Variants in FOXP1 observed in about 807,000 individuals in gnomAD.
The protein encoded by FOXP1 is forkhead box protein P1.
In FOXP1, 15 loss-of-function variants were observed where a neutral mutation model predicts 98.2. The observed-to-expected ratio is 0.15, with a 90% confidence interval of 0.10 to 0.24. The LOEUF (loss-of-function observed/expected upper bound fraction) is 0.24. FOXP1 is among the 10% of genes least tolerant of loss of function. The pLI, the probability that FOXP1 is intolerant of heterozygous loss-of-function variation, is 1.00. For synonymous variants in FOXP1, 371 were observed against 314.5 expected, an observed-to-expected ratio of 1.18 and a Z score of -1.90; for missense variants, 633 against 848.5, an observed-to-expected ratio of 0.75 and a Z score of 3.15.
At chr3:71,393,552 C>T (rs1184031941) in intron 3 of FOXP1, among the ~76,000 whole-genome samples, 2 of 152,152 alleles carry the variant, frequency 1.3e-5, no homozygotes, top group African/African-American at 4.8e-5. Flanking sequence ...AAACCAAATT[C>T]CGTTAAAAAT....
chr3:71,291,091 T>G (rs2072706109), intron 5 of FOXP1, among the ~76,000 whole-genome samples: 1 of 152,168 alleles, frequency 6.6e-6, no homozygotes, highest in Non-Finnish European at 1.5e-5. Context: ...TTTTATATTT[T>G]CTCTACAGTA....
chr3:71,394,663 A>G (rs2081253986), intron 3 of FOXP1, among the ~76,000 whole-genome samples: 1 of 152,210 alleles, frequency 6.6e-6, no homozygotes, highest in African/African-American at 2.4e-5. Flanking sequence ...TTTCATCATT[A>G]TACCGACCCT....
intron 5 of FOXP1, among the ~76,000 whole-genome samples, chr3:71,201,777 AATC>A (rs1024291583): frequency 1.3e-5 from 2 of 152,064 alleles, no homozygotes; most frequent in African/African-American, 4.8e-5. Flanking sequence ...ATAAAGAAAA[AATC>A]TATAGATATA....
intron 3 of FOXP1, among the ~76,000 whole-genome samples, chr3:71,420,488 C>T (rs2083551996): frequency 6.6e-6 from 1 of 152,158 alleles, no homozygotes; most frequent in African/African-American, 2.4e-5. Flanking sequence ...ATGTTCCTAT[C>T]ATGGGACTCC....
chr3:71,263,121 G>C (rs1045418028), intron 5 of FOXP1, among the ~76,000 whole-genome samples: 1 of 152,102 alleles, frequency 6.6e-6, no homozygotes, highest in Non-Finnish European at 1.5e-5. Flanking sequence ...CTGCCCTTCA[G>C]AACACCTCTA....
intron 6 of FOXP1, among the ~76,000 whole-genome samples, chr3:71,158,247 G>A (rs62256868): frequency 0.43 from 64,404 of 151,198 alleles, 16,421 homozygotes; most frequent in Middle Eastern, 0.64. Context: ...GACAGAAAGA[G>A]TGAGTGAGTG....
chr3:71,545,207 A>G (rs1191814260), intron 2 of FOXP1, among the ~76,000 whole-genome samples: 2 of 152,202 alleles, frequency 1.3e-5, no homozygotes, highest in East Asian at 3.8e-4. Flanking sequence ...GAGGGAGAGA[A>G]GGACTGGTTT....
At chr3:71,097,239 A>G (rs2056544570) in intron 7 of FOXP1, among the ~76,000 whole-genome samples, 2 of 152,210 alleles carry the variant, frequency 1.3e-5, no homozygotes, top group Admixed American at 6.5e-5. Flanking sequence ...AGCAGGGAAA[A>G]ACAAAAGAAG....
chr3:71,064,918 G>A (rs2052196928), intron 7 of FOXP1: 1 of 502,636 alleles, frequency 2.0e-6, no homozygotes, highest in Non-Finnish European at 2.6e-6. Flanking sequence ...GCGTGCAGGC[G>A]GACTGCACGC....
chr3:71,469,859 C>T (rs763972823), intron 3 of FOXP1, among the ~76,000 whole-genome samples: 7 of 152,104 alleles, frequency 4.6e-5, no homozygotes, highest in African/African-American at 7.2e-5. Flanking sequence ...TCTCCACATC[C>T]CTGCAAGTTC....
At chr3:71,502,547 A>G (rs1195765011) in intron 2 of FOXP1, among the ~76,000 whole-genome samples, 2 of 152,240 alleles carry the variant, frequency 1.3e-5, no homozygotes, top group Non-Finnish European at 2.9e-5. Context: ...AAGGTGGTAA[A>G]CAAATTATAT....
chr3:71,581,870 T>A, intron 1 of FOXP1, 173 bp from the exon 2 acceptor site: 1 of 984,032 alleles, frequency 1.0e-6, no homozygotes, highest in Non-Finnish European at 1.2e-6. Context: ...GCTCAGGGAA[T>A]CCCTGCAAGG....
intron 7 of FOXP1, among the ~76,000 whole-genome samples, chr3:71,074,980 C>A (rs17008167): frequency 0.027 from 4,131 of 152,304 alleles, 107 homozygotes; most frequent in East Asian, 0.084. Context: ...CATCTCCTTC[C>A]GACACATGAC....
intron 2 of FOXP1, among the ~76,000 whole-genome samples, chr3:71,531,226 G>C (rs1215445894): frequency 6.6e-6 from 1 of 152,218 alleles, no homozygotes; most frequent in Non-Finnish European, 1.5e-5. Context: ...CCGGGCTTAG[G>C]ATTCAATCCC....
At position 71,394,897 on chromosome 3, in the gene FOXP1, T is replaced by C. The variant is rs569098083; in HGVS notation, c.-167-35653A>G. Among the ~76,000 whole-genome samples, 10 of 152,100 alleles carry C rather than the reference T, an allele frequency of 6.6e-5. No individual in the cohort carries two copies. The South Asian group carries it at 2.1e-3, about 32-fold the overall frequency. The stretch of plus-strand genomic sequence containing the variant: ...GGGCAGATCACCTGAGGTCGGGAGT[T>C]CGAGACCAGCCTGACCAACATGGAG... On this transcript the variant is annotated intron_variant, in intron 3 of 20. Coordinates refer to ENST00000649528, the MANE Select transcript of FOXP1 (RefSeq NM_001349338.3).
chr3:71,397,104 A>G lies in FOXP1; in HGVS notation c.-167-37860T>C, dbSNP rs113124212. Among the ~76,000 whole-genome samples the G allele has an allele frequency of 3.5e-4, 39 of 112,872 alleles. 3 individuals carry two copies. Among genetic ancestry groups the G allele is most frequent in the African/African-American group, 1.2e-3 (35 of 29,988 alleles). 74.0% of individuals were successfully genotyped at this position (112,872 alleles called of 152,430 possible). On this transcript the variant is annotated intron_variant, in intron 3 of 20. Transcript: ENST00000649528. Reference sequence around the variant, plus strand: ...TATATGTGTATATATATATATACATATATATATATGTGTATATATACACAT... The same window carrying G: ...TATATGTGTATATATATATATACATGTATATATATGTGTATATATACACAT...
At chr3:71,388,376 G>C (rs2080757291) in intron 3 of FOXP1, among the ~76,000 whole-genome samples, 1 of 152,188 alleles carries the variant, frequency 6.6e-6, no homozygotes, top group African/African-American at 2.4e-5. Context: ...TTATAGTTTA[G>C]TGCACGTTCC....
chr3:71,528,414 TATC>T (rs1375038419), intron 2 of FOXP1, among the ~76,000 whole-genome samples: 11 of 152,230 alleles, frequency 7.2e-5, no homozygotes, highest in Non-Finnish European at 1.5e-4. Flanking sequence ...TAAACAGAAT[TATC>T]AAGAGACTTG....
rs533447635 is a variant in FOXP1 at position 71,124,261 on chromosome 3, T to C, written c.181-11624A>G. Among the ~76,000 whole-genome samples, 979 of 150,512 alleles carry C rather than the reference T, an allele frequency of 6.5e-3. 10 individuals carry two copies. Among genetic ancestry groups the C allele is most frequent in the Non-Finnish European group, 9.4e-3 (634 of 67,682 alleles). On this transcript the variant is annotated intron_variant, in intron 6 of 20. Coordinates refer to ENST00000649528, the MANE Select transcript of FOXP1 (RefSeq NM_001349338.3). Reference sequence around the variant, plus strand: ...GCATAGTCGTTTGACAGGCCCAACCTGAAAAAAATTTCTTTTCAGGTTGGG... The same window carrying C: ...GCATAGTCGTTTGACAGGCCCAACCCGAAAAAAATTTCTTTTCAGGTTGGG...
Sources: allele counts gnomAD v4.1 joint callset (sites outside exome capture counted in the v4.1 genomes callset), GRCh38; gene constraint gnomAD v4.1.1; transcripts MANE v1.5; gene names NCBI Gene and HGNC (gene_info 2026-07-23, HGNC 2026-07-21).